CDH3: variants seen among roughly 807,000 people sequenced by gnomAD.
The protein encoded by CDH3 is cadherin 3.
In CDH3, 54 loss-of-function variants were observed where a neutral mutation model predicts 82.0. The ratio of observed to expected loss-of-function variants is 0.66; its 90% CI spans 0.53 to 0.83. The LOEUF (loss-of-function observed/expected upper bound fraction) is 0.83. Among genes scored for constraint, CDH3 ranks in the 40% least tolerant of loss-of-function variants. The pLI, the probability that CDH3 is intolerant of heterozygous loss-of-function variation, is 0.00. For missense variants in CDH3, 1,054 were observed against 1,084.6 expected, an observed-to-expected ratio of 0.97 and a Z score of 0.40; for synonymous variants, 446 against 437.9, an observed-to-expected ratio of 1.02 and a Z score of -0.23.
Position 68,698,326 on chromosome 16 carries a change from T to A in CDH3, c.2416T>A (p.Tyr806Asn), listed in dbSNP as rs1961805604. ...CTCCGCCTCCGACCAAGACCAAGAT[T>A]ACGATTATCTGAACGAGTGGGGCAG... is the stretch of plus-strand genomic sequence containing the variant. ...TSSASDQDQD[Y>N]DYLNEWGSRF... The change falls in exon 16 of 16, where the codon TAC (tyrosine) becomes AAC (asparagine). Residue 806 changes from tyrosine to asparagine, a missense_variant. Transcript: ENST00000264012. 6.2e-7 allele frequency: 1 copy of A among 1,614,126 alleles called. No individual in the cohort carries two copies. The highest frequency in any genetic ancestry group is 8.5e-7 in the Non-Finnish European group (1 of 1,180,006).
intron 10 of CDH3, 147 bp from the exon 11 acceptor site, chr16:68,685,058 G>T: frequency 9.1e-7 from 1 of 1,093,100 alleles, no homozygotes; most frequent in Non-Finnish European, 1.4e-6. Context: ...GCTGCTTTAG[G>T]TCCCCGTTTA....
chr16:68,698,487 G>T lies in CDH3; in HGVS notation c.*87G>T, dbSNP rs555473968. On this transcript the variant is annotated 3_prime_UTR_variant, in exon 16 of 16. Transcript: ENST00000264012. The stretch of plus-strand genomic sequence containing the variant: ...AGTTCCCCCTTCAGCTGAGGACTTC[G>T]GAGCTTGTCAGGAAGTGGCCGTAGC... The T allele has an allele frequency of 4.9e-5, 62 of 1,260,004 alleles. No homozygotes were observed. Among genetic ancestry groups the T allele is most frequent in the Non-Finnish European group, 7.0e-5 (61 of 870,776 alleles). The allele number at this position is 1,260,004 out of a possible 1,614,324, so 78.1% of individuals were successfully genotyped here. A position where few individuals can be genotyped will look rare whatever the true frequency, so the allele number is the denominator to read the frequency against.
At chr16:68,676,785 A>G (rs1344465033) in intron 3 of CDH3, among the ~76,000 whole-genome samples, 2 of 152,148 alleles carry the variant, frequency 1.3e-5, no homozygotes, top group African/African-American at 2.4e-5. Context: ...CTTATCATCC[A>G]TGTTAACCCC....
chr16:68,694,146 C>T (rs1019946604), intron 13 of CDH3, among the ~76,000 whole-genome samples: 3 of 151,170 alleles, frequency 2.0e-5, no homozygotes, highest in African/African-American at 7.3e-5. Flanking sequence ...GGTGACAGAG[C>T]GAGACTCTGT....
chr16:68,710,659 C>T (rs1962014942), intron 1 of CDH3, among the ~76,000 whole-genome samples: 1 of 150,974 alleles, frequency 6.6e-6, no homozygotes, highest in Admixed American at 6.6e-5. Flanking sequence ...GCCTGGCCAA[C>T]ATGGCAAAAC....
chr16:68,667,877 G>A (rs1163493372), intron 2 of CDH3, among the ~76,000 whole-genome samples: 1 of 152,056 alleles, frequency 6.6e-6, no homozygotes, highest in South Asian at 2.1e-4. Context: ...TAGAGCTCTG[G>A]CTTTTTTGTT....
Position 68,707,212 on chromosome 16 carries a change from T to C in CDH3, c.99+11289T>C, listed in dbSNP as rs901633629. Among the ~76,000 whole-genome samples, 1 of 152,092 alleles carries C rather than the reference T, an allele frequency of 6.6e-6. No individual in the cohort carries two copies. Among genetic ancestry groups the C allele is most frequent in the South Asian group, 2.1e-4 (1 of 4,818 alleles). ...CAGCAGGGTTTAGCAGGGAGGCCAG[T>C]GTGGCTGGAGCAGAGGGACGGGTTG... is the stretch of plus-strand genomic sequence containing the variant. On this transcript the variant is annotated intron_variant, in intron 1 of 2. Coordinates refer to the CDH3 transcript ENST00000569080. The surrounding 1 kb of genome is among the most constrained non-coding windows in gnomAD (Gnocchi z 4.5).
At chr16:68,717,778 A>G (rs1259440336) in intron 1 of CDH3, among the ~76,000 whole-genome samples, 1 of 86,844 alleles carries the variant, frequency 1.2e-5, no homozygotes, top group African/African-American at 3.4e-5. Context: ...CCTCTAAAGA[A>G]AAAAAAAAAA....
At chr16:68,694,379 C>T (rs1051590059) in intron 13 of CDH3, among the ~76,000 whole-genome samples, 16 of 150,054 alleles carry the variant, frequency 1.1e-4, no homozygotes, top group Admixed American at 4.0e-4. Context: ...CCCAGCACTT[C>T]GGGAGGCCAA....
intron 8 of CDH3, among the ~76,000 whole-genome samples, chr16:68,681,715 G>A (rs754131275): frequency 6.6e-6 from 1 of 152,162 alleles, no homozygotes; most frequent in Admixed American, 6.5e-5. Flanking sequence ...GCATACACCT[G>A]TAGTCCCAGC....
intron 2 of CDH3, among the ~76,000 whole-genome samples, chr16:68,670,379 C>A (rs1185158775): frequency 6.6e-6 from 1 of 152,126 alleles, no homozygotes; most frequent in Non-Finnish European, 1.5e-5. Context: ...CCGCCACCAC[C>A]CCTCACCCCC....
At chr16:68,710,025 G>A (rs996579366) in intron 1 of CDH3, among the ~76,000 whole-genome samples, 5 of 152,150 alleles carry the variant, frequency 3.3e-5, no homozygotes, top group Non-Finnish European at 7.3e-5. Context: ...CCTTCTTCCC[G>A]CTGCTCTGCA....
intron 1 of CDH3, among the ~76,000 whole-genome samples, chr16:68,712,540 G>C (rs1962044000): frequency 1.3e-5 from 2 of 152,292 alleles, no homozygotes; most frequent in South Asian, 4.1e-4. Context: ...CAGGTGGCCA[G>C]AGTGATCTGA....
At chr16:68,704,268 C>G (rs1334812273), downstream of CDH3, among the ~76,000 whole-genome samples, 3 of 148,094 alleles carry the variant, frequency 2.0e-5, no homozygotes, top group Non-Finnish European at 4.4e-5. Flanking sequence ...GCCTGGGCCA[C>G]AGAGCGAGAC....
At chr16:68,703,118 G>A (rs769380103), downstream of CDH3, among the ~76,000 whole-genome samples, 35 of 152,150 alleles carry the variant, frequency 2.3e-4, no homozygotes, top group Admixed American at 5.9e-4. Context: ...CTTTTCCCTC[G>A]TCACTGACCC....
chr16:68,698,087 CT>C, intron 15 of CDH3, 103 bp from the exon 16 acceptor site: 1 of 1,032,088 alleles, frequency 9.7e-7, no homozygotes, highest in Non-Finnish European at 1.5e-6. Flanking sequence ...CCTCCAAAAC[CT>C]TTAGGGGAGG....
downstream of CDH3, among the ~76,000 whole-genome samples, chr16:68,730,567 A>G (rs929359821): frequency 1.3e-5 from 2 of 152,190 alleles, no homozygotes; most frequent in African/African-American, 4.8e-5. Context: ...TTTAAAAGAC[A>G]TTTTTTAAAA....
intron 12 of CDH3, among the ~76,000 whole-genome samples, chr16:68,689,886 T>C (rs994711642): frequency 5.3e-5 from 8 of 152,054 alleles, no homozygotes; most frequent in East Asian, 1.9e-4. Context: ...GCCCCAGTGA[T>C]TGGGGGCACT....
At chr16:68,701,193 C>G (rs139364358), downstream of CDH3, among the ~76,000 whole-genome samples, 60 of 152,198 alleles carry the variant, frequency 3.9e-4, no homozygotes, top group East Asian at 0.011. Context: ...CTCAACTGGC[C>G]TCGGTGGATG....
Sources: gnomAD v4.1 joint callset for allele counts (sites outside exome capture counted in the v4.1 genomes callset) on GRCh38, gnomAD v4.1.1 for gene constraint, Gnocchi (gnomAD v3.1) non-coding constraint, MANE v1.5 for transcripts, NCBI Gene and HGNC (gene_info 2026-07-23, HGNC 2026-07-21) for gene names.